SDK1: variants seen among roughly 807,000 people sequenced by gnomAD.
The protein encoded by SDK1 is protein sidekick-1.
Under a neutral mutation model 245.5 loss-of-function variants are expected in SDK1, and 157 were observed. The ratio of observed to expected loss-of-function variants is 0.64; its 90% CI spans 0.56 to 0.73. The LOEUF is 0.73. SDK1 is among the 30% of genes least tolerant of loss of function. The pLI is 0.00. For missense variants in SDK1, 3,583 were observed against 3,002.3 expected (o/e 1.19, Z -4.52); for synonymous variants, 1,647 against 1,278.5 (o/e 1.29, Z -6.15).
chr7:3,820,143 A>G (rs1471665744), intron 4 of SDK1, among the ~76,000 whole-genome samples: 2 of 152,126 alleles, frequency 1.3e-5, no homozygotes, highest in Admixed American at 6.6e-5. Flanking sequence ...GTTTACTCAC[A>G]TTCATATTTT....
chr7:3,620,728 C>T (rs1331130680), intron 2 of SDK1, among the ~76,000 whole-genome samples: 2 of 152,136 alleles, frequency 1.3e-5, no homozygotes, highest in Non-Finnish European at 2.9e-5. Context: ...GGCGGCTGAG[C>T]AGAGCTGCCC....
At chr7:4,152,251 C>G (rs369964794) in intron 30 of SDK1, among the ~76,000 whole-genome samples, 1 of 152,172 alleles carries the variant, frequency 6.6e-6, no homozygotes, top group African/African-American at 2.4e-5. Context: ...TGAGCTACAG[C>G]AACAGAACTC....
intron 1 of SDK1, among the ~76,000 whole-genome samples, chr7:3,438,250 A>G (rs987955576): frequency 2.0e-5 from 3 of 152,242 alleles, no homozygotes; most frequent in Non-Finnish European, 4.4e-5. Context: ...ATTCCCAATG[A>G]ATATGACTTC....
intron 14 of SDK1, among the ~76,000 whole-genome samples, chr7:3,991,293 G>T (rs1400703603): frequency 6.6e-6 from 1 of 152,116 alleles, no homozygotes; most frequent in Non-Finnish European, 1.5e-5. Flanking sequence ...GGCGTGTATT[G>T]GTGTTACCTG....
At position 3,536,164 on chromosome 7, in the gene SDK1, C is replaced by T. The variant is rs1485158851; in HGVS notation, c.299-82916C>T. Among the ~76,000 whole-genome samples, 7 of 151,938 alleles carry T rather than the reference C, an allele frequency of 4.6e-5. No individual in the cohort carries two copies. The South Asian group carries it at 1.3e-3, about 27-fold the overall frequency. ...CTCCGCCTCCTGGGTCCACACCATT[C>T]TCCAGCCTGAGCCTCCCAAGTAGCT... On this transcript the variant is annotated intron_variant, in intron 1 of 44. Coordinates refer to ENST00000404826, the MANE Select transcript of SDK1 (RefSeq NM_152744.4).
chr7:3,827,027 A>AT (rs924878283), intron 5 of SDK1, among the ~76,000 whole-genome samples: 5 of 152,004 alleles, frequency 3.3e-5, no homozygotes, highest in Non-Finnish European at 7.4e-5. Flanking sequence ...CCATATCCCC[A>AT]TCTCTTTCCA....
At chr7:3,723,972 A>G (rs1778928352) in intron 4 of SDK1, among the ~76,000 whole-genome samples, 1 of 149,470 alleles carries the variant, frequency 6.7e-6, no homozygotes, top group Admixed American at 6.6e-5. Context: ...AGAGAGAGAG[A>G]GAGAGAAAGA....
At chr7:4,098,220 G>C (rs754302146) in intron 22 of SDK1, among the ~76,000 whole-genome samples, 7 of 152,186 alleles carry the variant, frequency 4.6e-5, no homozygotes, top group Middle Eastern at 3.2e-3. Context: ...CCACAGGAGA[G>C]GAAAATACTG....
At chr7:4,022,495 A>G (rs990680844) in intron 17 of SDK1, among the ~76,000 whole-genome samples, 1 of 152,166 alleles carries the variant, frequency 6.6e-6, no homozygotes, top group Non-Finnish European at 1.5e-5. Flanking sequence ...TGCCGTCTCA[A>G]AGAGAACTCA....
At chr7:4,001,267 A>G (rs1785053190) in intron 14 of SDK1, among the ~76,000 whole-genome samples, 1 of 152,198 alleles carries the variant, frequency 6.6e-6, no homozygotes, top group Admixed American at 6.5e-5. Flanking sequence ...GTTTGCCACC[A>G]TTAGGATTGG....
At chr7:3,439,088 C>G (rs6948735) in intron 1 of SDK1, among the ~76,000 whole-genome samples, 86,978 of 151,690 alleles carry the variant, frequency 0.57, 25,102 homozygotes, top group African/African-American at 0.63. Context: ...CCTGACCTCT[C>G]GTGATCAGCC....
intron 4 of SDK1, among the ~76,000 whole-genome samples, chr7:3,655,317 C>T (rs1021116406): frequency 2.0e-5 from 3 of 150,796 alleles, no homozygotes; most frequent in Non-Finnish European, 4.4e-5. Flanking sequence ...CTTGTAATCC[C>T]AGCTACTCGG....
At chr7:4,182,460 C>G (rs890406663) in intron 35 of SDK1, among the ~76,000 whole-genome samples, 2 of 152,172 alleles carry the variant, frequency 1.3e-5, no homozygotes, top group African/African-American at 4.8e-5. Flanking sequence ...ATTGAGGTTC[C>G]CAAACTTCCA....
intron 1 of SDK1, among the ~76,000 whole-genome samples, chr7:3,617,495 C>T (rs1781806012): frequency 6.6e-6 from 1 of 152,182 alleles, no homozygotes; most frequent in South Asian, 2.1e-4. Flanking sequence ...GGGAAGGCCC[C>T]ACAGTAGGTG....
chr7:3,977,993 GTCGTTC>G (rs951250869), intron 13 of SDK1, among the ~76,000 whole-genome samples: 1 of 152,142 alleles, frequency 6.6e-6, no homozygotes, highest in Non-Finnish European at 1.5e-5. Context: ...GTAAGCTCAG[GTCGTTC>G]TACCAAAACC....
rs529715074 is a variant in SDK1 at position 3,991,862 on chromosome 7, G to T, written c.2131+4540G>T. Among the ~76,000 whole-genome samples the T allele has an allele frequency of 1.2e-4, 19 of 152,316 alleles. 1 individual carries two copies. The South Asian group carries it at 3.9e-3, about 32-fold the overall frequency. Reference sequence around the variant, plus strand: ...ATAGGAAGAGTACCACCATCATCTGGGCCAGTGGTCTGGTTTTTATTTTTA... The same window carrying T: ...ATAGGAAGAGTACCACCATCATCTGTGCCAGTGGTCTGGTTTTTATTTTTA... On this transcript the variant is annotated intron_variant, in intron 14 of 44. Coordinates refer to ENST00000404826, the MANE Select transcript of SDK1 (RefSeq NM_152744.4).
At chr7:3,604,933 T>A (rs900169658) in intron 1 of SDK1, among the ~76,000 whole-genome samples, 4 of 152,148 alleles carry the variant, frequency 2.6e-5, no homozygotes, top group African/African-American at 9.7e-5. Flanking sequence ...TGTTTATTTT[T>A]AAAAATTCTG....
rs10241150 is a variant in SDK1, at chr7:3,915,461, C to A, written c.848-35462C>A. ...GCTGTTCTTGTGGTAGTGAACAAGT[C>A]TCATGAGATCGGATGGTTTTCTGAG... On this transcript the variant is annotated intron_variant, in intron 5 of 44. Transcript: ENST00000404826. Among the ~76,000 whole-genome samples, 1,294 of 152,294 alleles carry A rather than the reference C, an allele frequency of 8.5e-3. 15 individuals carry two copies. The highest frequency in any genetic ancestry group is 0.03 in the African/African-American group (1,236 of 41,564).
At position 3,654,313 on chromosome 7, in the gene SDK1, CGTGA is replaced by C. The variant is rs143083483; in HGVS notation, c.713+12211_713+12214del. 2.6e-3 allele frequency among the ~76,000 whole-genome samples: 394 copies of C among 152,264 alleles called. 2 individuals are homozygous for C. Among genetic ancestry groups the C allele is most frequent in the African/African-American group, 9.0e-3 (376 of 41,552 alleles). On this transcript the variant is annotated intron_variant, in intron 4 of 44. Coordinates refer to ENST00000404826, the MANE Select transcript of SDK1 (RefSeq NM_152744.4). ...CCTGGGGCAAATTAGTGTCCCTCAA[CGTGA>C]GTAAGAAGATGGAAAGCGCCACATT...
Sources: gnomAD v4.1 joint callset for allele counts (sites outside exome capture counted in the v4.1 genomes callset) on GRCh38, gnomAD v4.1.1 for gene constraint, MANE v1.5 for transcripts, NCBI Gene and HGNC (gene_info 2026-07-23, HGNC 2026-07-21) for gene names.